NBAS: variants seen among roughly 807,000 people sequenced by gnomAD.
NBAS encodes the protein NAG/BC035112 fusion.
A neutral mutation model predicts 302.5 loss-of-function variants in NBAS; 219 were observed. The observed-to-expected ratio is 0.72, with a 90% CI of 0.65 to 0.81. The LOEUF is 0.81. Among genes scored for constraint, NBAS ranks in the 30% least tolerant of loss-of-function variants. NBAS has a pLI of 0.00. For synonymous variants in NBAS, 1,118 were observed against 1,021.6 expected (o/e 1.09, Z -1.80); for missense variants, 2,932 against 2,841.6 (o/e 1.03, Z -0.72).
In NBAS at chr2:15,166,943, T is replaced by G; in HGVS notation, c.*105A>C. 1 of 1,398,480 alleles carries G rather than the reference T, an allele frequency of 7.2e-7. No homozygotes were observed. The highest frequency in any genetic ancestry group is 1.7e-5 in the South Asian group (1 of 58,906). The allele number at this position is 1,398,480 out of a possible 1,614,324, so 86.6% of individuals were successfully genotyped here. On this transcript the variant is annotated 3_prime_UTR_variant, in exon 52 of 52. Transcript: ENST00000281513. Reference sequence around the variant, plus strand: ...GTTTCCATACAGTTTTATTTGCAATTTGTTGGAACCATGGAGAACAATCGG... The same window carrying G: ...GTTTCCATACAGTTTTATTTGCAATGTGTTGGAACCATGGAGAACAATCGG...
the NBAS span, among the ~76,000 whole-genome samples, chr2:14,807,850 T>A: frequency 1.3e-5 from 2 of 152,154 alleles, no homozygotes; most frequent in Non-Finnish European, 2.9e-5. Flanking sequence ...AGATAATTCA[T>A]ACAAGCATTG....
chr2:15,347,080 G>A (rs761100254), intron 35 of NBAS, among the ~76,000 whole-genome samples: 3 of 152,120 alleles, frequency 2.0e-5, no homozygotes, highest in Non-Finnish European at 4.4e-5. Context: ...ATATACCTAT[G>A]TAACAAACCT....
chr2:14,980,602 C>T, the NBAS span, among the ~76,000 whole-genome samples: 1 of 152,082 alleles, frequency 6.6e-6, no homozygotes, highest in Non-Finnish European at 1.5e-5. Flanking sequence ...ACTATGCCCA[C>T]CCAGAGGTCC....
At chr2:15,297,396 G>C (rs558108397) in intron 40 of NBAS, among the ~76,000 whole-genome samples, 320 of 152,262 alleles carry the variant, frequency 2.1e-3, no homozygotes, top group African/African-American at 6.9e-3. Context: ...ATCTCATCTC[G>C]AATTGTAATC....
chr2:15,071,632 A>G, the NBAS span, among the ~76,000 whole-genome samples: 2 of 151,850 alleles, frequency 1.3e-5, no homozygotes, highest in African/African-American at 4.8e-5. Context: ...TCCAAAAAAA[A>G]AAAAAAAAAG....
intron 48 of NBAS, among the ~76,000 whole-genome samples, chr2:15,218,283 T>C (rs934672363): frequency 5.9e-5 from 9 of 152,148 alleles, no homozygotes; most frequent in Non-Finnish European, 1.2e-4. Context: ...TTCAAGCTTA[T>C]GGAAAAATAA....
chr2:14,984,623 T>G, the NBAS span, among the ~76,000 whole-genome samples: 24 of 152,302 alleles, frequency 1.6e-4, no homozygotes, highest in Non-Finnish European at 2.2e-4. Context: ...CCAGTTCTAT[T>G]TCTAGCCCAG....
the NBAS span, among the ~76,000 whole-genome samples, chr2:15,142,065 A>G: frequency 6.6e-6 from 1 of 152,252 alleles, no homozygotes; most frequent in Non-Finnish European, 1.5e-5. Context: ...CAATCACTGA[A>G]TATGGAATAC....
chr2:15,202,520 GTTT>G (rs1665927818), intron 48 of NBAS, among the ~76,000 whole-genome samples: 1 of 149,802 alleles, frequency 6.7e-6, no homozygotes, highest in Non-Finnish European at 1.5e-5. Flanking sequence ...GTGTTTGTTT[GTTT>G]ATTTATTTAT....
rs758809237 is a variant in NBAS at position 15,415,531 on chromosome 2, T to C, written c.2937+15A>G. The C allele has an allele frequency of 6.2e-7, 1 of 1,612,802 alleles. No homozygotes were observed. Among genetic ancestry groups the C allele is most frequent in the South Asian group, 1.1e-5 (1 of 91,046 alleles). ...AAAAAGTGCCCAGAATTTTAAGAAG[T>C]TAGTTTCTACTTACATCTGGTTTGG... On this transcript the variant is annotated intron_variant, in intron 25 of 51. Transcript: ENST00000281513.
chr2:15,352,161 A>G, intron 34 of NBAS, 80 bp from the exon 35 acceptor site: 1 of 987,842 alleles, frequency 1.0e-6, no homozygotes, highest in Non-Finnish European at 1.6e-6. Flanking sequence ...TTGAAATTTA[A>G]AAAGTACTTT....
the NBAS span, among the ~76,000 whole-genome samples, chr2:14,842,724 T>C: frequency 6.6e-6 from 1 of 151,878 alleles, no homozygotes; most frequent in Non-Finnish European, 1.5e-5. Flanking sequence ...TGCTGAATTC[T>C]ACCAAACATT....
chr2:14,918,628 G>A, the NBAS span, among the ~76,000 whole-genome samples: 6 of 152,218 alleles, frequency 3.9e-5, no homozygotes, highest in Admixed American at 3.3e-4. Flanking sequence ...TTGTCCCTGA[G>A]GGCCTAAGGG....
In NBAS at chr2:15,167,187, T is replaced by C. The variant is rs753985619; in HGVS notation, c.6977A>G (p.Asp2326Gly). 2 of 1,614,202 alleles carry C rather than the reference T, an allele frequency of 1.2e-6. No homozygotes were observed. The highest frequency in any genetic ancestry group is 2.2e-5 in the South Asian group (2 of 91,088). Reference protein sequence around the residue: ...LLASLQQGRWDAEELGRHLRE... With the variant: ...LLASLQQGRWGAEELGRHLRE... The stretch of plus-strand genomic sequence containing the variant: ...CAGGTGTCTGCCCAGCTCCTCTGCA[T>C]CCCAGCGCCCTTGCTGGAGGCTAGC... Residue 2326 changes from aspartate to glycine, a missense_variant, in exon 52 of 52, where the codon GAT becomes GGT. Asp to Gly is a moderately conservative substitution (Grantham distance 94). Coordinates refer to ENST00000281513, the MANE Select transcript of NBAS (RefSeq NM_015909.4).
chr2:15,311,461 G>A (rs1208753087), intron 38 of NBAS, among the ~76,000 whole-genome samples: 1 of 152,088 alleles, frequency 6.6e-6, no homozygotes, highest in African/African-American at 2.4e-5. Context: ...GTTACAACAT[G>A]TTTTCGTTTC....
At chr2:14,951,643 AG>A in the NBAS span, among the ~76,000 whole-genome samples, 3 of 152,224 alleles carry the variant, frequency 2.0e-5, no homozygotes, top group Non-Finnish European at 2.9e-5. Context: ...ATTCCTCATT[AG>A]AAAGGAATAA....
At chr2:14,904,860 T>C in the NBAS span, among the ~76,000 whole-genome samples, 1 of 151,910 alleles carries the variant, frequency 6.6e-6, no homozygotes, top group Non-Finnish European at 1.5e-5. Context: ...CCATCCTGGC[T>C]AACACGGTGA....
the NBAS span, among the ~76,000 whole-genome samples, chr2:15,005,548 C>T: frequency 6.6e-6 from 1 of 152,164 alleles, no homozygotes; most frequent in East Asian, 1.9e-4. Flanking sequence ...AGACTGGAGC[C>T]CAGGAATTTC....
chr2:14,973,882 C>A, the NBAS span, among the ~76,000 whole-genome samples: 1 of 152,130 alleles, frequency 6.6e-6, no homozygotes, highest in Admixed American at 6.5e-5. Context: ...CGTTCAAGTC[C>A]TGACAAAATA....
Sources: allele counts gnomAD v4.1 joint callset (sites outside exome capture counted in the v4.1 genomes callset), GRCh38; gene constraint gnomAD v4.1.1; transcripts MANE v1.5; gene names NCBI Gene and HGNC (gene_info 2026-07-23, HGNC 2026-07-21).